Variants in TAFA1 observed in about 807,000 individuals in gnomAD.
The protein encoded by TAFA1 is TAFA chemokine like family member 1, also known as chemokine-like protein TAFA-1.
A neutral mutation model predicts 18.5 loss-of-function variants in TAFA1; 4 were observed. That is an observed-to-expected ratio of 0.22 (90% CI 0.11 to 0.49). The LOEUF is 0.49. TAFA1 is among the 20% of genes least tolerant of loss of function. TAFA1 has a pLI of 0.98. For synonymous variants in TAFA1, 56 were observed against 55.2 expected, an observed-to-expected ratio of 1.01 and a Z score of -0.06; for missense variants, 147 against 169.0, an observed-to-expected ratio of 0.87 and a Z score of 0.72.
chr3:68,263,295 A>C (rs1174580167), intron 2 of TAFA1, among the ~76,000 whole-genome samples: 2 of 152,104 alleles, frequency 1.3e-5, no homozygotes, highest in African/African-American at 4.8e-5. Flanking sequence ...CCTGACATAC[A>C]ATATGCTGTT....
At chr3:68,209,412 A>T (rs566001483) in intron 2 of TAFA1, among the ~76,000 whole-genome samples, 1 of 152,198 alleles carries the variant, frequency 6.6e-6, no homozygotes, top group East Asian at 1.9e-4. Flanking sequence ...AATTTCCAAG[A>T]CTGTTAGATA....
chr3:68,245,504 G>A (rs73836811), intron 2 of TAFA1, among the ~76,000 whole-genome samples: 2,305 of 152,208 alleles, frequency 0.015, 58 homozygotes, highest in East Asian at 0.11. Flanking sequence ...TCATTTCATG[G>A]AGGCTTGCAT....
At chr3:68,457,281 G>A (rs556753103) in intron 3 of TAFA1, among the ~76,000 whole-genome samples, 1 of 152,280 alleles carries the variant, frequency 6.6e-6, no homozygotes, top group East Asian at 1.9e-4. Flanking sequence ...GTAAGTGTGT[G>A]TGTAAATTTT....
chr3:68,261,530 A>G (rs1057028210), intron 2 of TAFA1, among the ~76,000 whole-genome samples: 6 of 152,152 alleles, frequency 3.9e-5, no homozygotes, highest in African/African-American at 9.6e-5. Flanking sequence ...GTCCAACAAC[A>G]ATAGACTGGA....
chr3:68,434,344 T>C (rs2071232945), intron 3 of TAFA1, among the ~76,000 whole-genome samples: 3 of 152,092 alleles, frequency 2.0e-5, no homozygotes. Context: ...CAGCCTCTTC[T>C]AGCAATGAGC....
At chr3:68,437,580 A>G (rs562837332) in intron 3 of TAFA1, among the ~76,000 whole-genome samples, 74 of 152,228 alleles carry the variant, frequency 4.9e-4, no homozygotes, top group African/African-American at 1.7e-3. Flanking sequence ...TGCCACCTCA[A>G]TTCTCTCTTT....
intron 2 of TAFA1, among the ~76,000 whole-genome samples, chr3:68,099,630 A>T (rs1335425551): frequency 1.3e-5 from 2 of 152,182 alleles, no homozygotes; most frequent in East Asian, 3.9e-4. Context: ...ATTCAACCCA[A>T]CAATCCCATT....
At chr3:68,179,897 G>A (rs1461373304) in intron 2 of TAFA1, among the ~76,000 whole-genome samples, 2 of 151,880 alleles carry the variant, frequency 1.3e-5, no homozygotes, top group African/African-American at 4.8e-5. Context: ...TTGTATGTAT[G>A]CTTGTGTGAA....
intron 2 of TAFA1, among the ~76,000 whole-genome samples, chr3:68,262,972 A>G (rs2067465798): frequency 6.6e-6 from 1 of 152,232 alleles, no homozygotes; most frequent in South Asian, 2.1e-4. Flanking sequence ...GACACTGCTT[A>G]TTTGAGTCAT....
intron 2 of TAFA1, among the ~76,000 whole-genome samples, chr3:68,296,589 T>A (rs907177561): frequency 6.6e-6 from 1 of 151,326 alleles, no homozygotes. Context: ...AAAAAAAAGA[T>A]AATATCTCCT....
intron 2 of TAFA1, among the ~76,000 whole-genome samples, chr3:68,351,544 T>G (rs1343919866): frequency 1.3e-5 from 2 of 152,044 alleles, no homozygotes; most frequent in South Asian, 4.1e-4. Flanking sequence ...TATATATTCA[T>G]GGGGGACACT....
At chr3:68,490,188 A>AT (rs2072425219) in intron 3 of TAFA1, among the ~76,000 whole-genome samples, 1 of 152,174 alleles carries the variant, frequency 6.6e-6, no homozygotes, top group South Asian at 2.1e-4. Context: ...TTTATTAGAC[A>AT]GTGAAATATT....
intron 2 of TAFA1, among the ~76,000 whole-genome samples, chr3:68,380,721 C>T (rs200941631): frequency 9.9e-5 from 15 of 151,214 alleles, no homozygotes; most frequent in South Asian, 2.1e-4. Context: ...TTGTAGGTTG[C>T]CTGTTCACTC....
chr3:68,050,369 T>C (rs143147188), intron 2 of TAFA1, among the ~76,000 whole-genome samples: 6 of 152,204 alleles, frequency 3.9e-5, no homozygotes, highest in African/African-American at 1.4e-4. Context: ...TTGTCCTGTG[T>C]TTGCATCCAA....
intron 2 of TAFA1, among the ~76,000 whole-genome samples, chr3:68,264,963 A>T (rs533017264): frequency 8.5e-5 from 13 of 152,310 alleles, no homozygotes; most frequent in Non-Finnish European, 1.6e-4. Context: ...GATCTGCTAT[A>T]ATAATATGTC....
chr3:68,435,069 C>T (rs1022789919), intron 3 of TAFA1, among the ~76,000 whole-genome samples: 10 of 151,942 alleles, frequency 6.6e-5, no homozygotes, highest in South Asian at 6.2e-4. Context: ...GGAGATGAGC[C>T]CAGAGTGCTC....
At chr3:68,120,252 T>G (rs1021886482) in intron 2 of TAFA1, among the ~76,000 whole-genome samples, 1 of 97,264 alleles carries the variant, frequency 1.0e-5, no homozygotes, top group Non-Finnish European at 2.2e-5. Flanking sequence ...TTTCTTTCTT[T>G]CTTTCTTTCT....
At chr3:68,174,553 G>A (rs905366646) in intron 2 of TAFA1, among the ~76,000 whole-genome samples, 1 of 152,222 alleles carries the variant, frequency 6.6e-6, no homozygotes, top group Admixed American at 6.5e-5. Context: ...GAGACTGGCA[G>A]CATTTTGCCC....
intron 2 of TAFA1, among the ~76,000 whole-genome samples, chr3:68,381,583 T>G (rs1182660777): frequency 5.3e-5 from 8 of 152,176 alleles, no homozygotes; most frequent in East Asian, 3.9e-4. Context: ...TCTGTTATTG[T>G]TGTATAAGAA....
Sources: gnomAD v4.1 joint callset for allele counts (sites outside exome capture counted in the v4.1 genomes callset) on GRCh38, gnomAD v4.1.1 for gene constraint, MANE v1.5 for transcripts, NCBI Gene and HGNC (gene_info 2026-07-23, HGNC 2026-07-21) for gene names.